Variants in INVS observed in about 807,000 individuals in gnomAD.
INVS encodes the protein inversin.
Under a neutral mutation model 108.8 loss-of-function variants are expected in INVS, and 86 were observed. The observed-to-expected ratio is 0.79, with a 90% confidence interval of 0.66 to 0.95. INVS has a LOEUF of 0.95. Ranked by LOEUF, INVS falls within the 40% of genes least tolerant of loss-of-function variation. The pLI is 0.00. For synonymous variants in INVS, 455 were observed against 473.5 expected, an observed-to-expected ratio of 0.96 and a Z score of 0.51; for missense variants, 1,169 against 1,297.4, an observed-to-expected ratio of 0.90 and a Z score of 1.52.
intron 1 of INVS, among the ~76,000 whole-genome samples, chr9:100,100,263 C>A (rs1279079868): frequency 6.6e-6 from 1 of 151,600 alleles, no homozygotes; most frequent in Non-Finnish European, 1.5e-5. Flanking sequence ...TGCATAATGG[C>A]TTTCTCAGGG....
At chr9:100,291,348 C>G (rs986358619) in intron 13 of INVS, among the ~76,000 whole-genome samples, 3 of 152,212 alleles carry the variant, frequency 2.0e-5, no homozygotes, top group African/African-American at 7.2e-5. Flanking sequence ...GCATGAGCCA[C>G]CGTGCCTGGC....
At position 100,182,357 on chromosome 9, in the gene INVS, A is replaced by G. The variant is rs141341577; in HGVS notation, c.274-43705A>G. Among the ~76,000 whole-genome samples, 474 of 152,332 alleles carry G rather than the reference A, an allele frequency of 3.1e-3. 1 individual carries two copies. The highest frequency in any genetic ancestry group is 0.024 in the Middle Eastern group (7 of 294). ...TATAAAATGGGAGGAAATGTTTGCA[A>G]TCTATCCATCTGACAAAGGGCTAAT... On this transcript the variant is annotated intron_variant, in intron 3 of 16. Coordinates refer to ENST00000262457, the MANE Select transcript of INVS (RefSeq NM_014425.5).
intron 12 of INVS, among the ~76,000 whole-genome samples, chr9:100,276,438 T>A (rs1338125): frequency 2.0e-5 from 3 of 152,216 alleles, no homozygotes; most frequent in South Asian, 4.1e-4. Context: ...GCTGCTACCA[T>A]TGATTGTATG....
intron 3 of INVS, among the ~76,000 whole-genome samples, chr9:100,155,328 A>G (rs755950845): frequency 1.3e-5 from 2 of 151,930 alleles, no homozygotes; most frequent in African/African-American, 2.4e-5. Context: ...TGAATTTATT[A>G]TTTTTTATTT....
rs56176654 is a variant in INVS, at chr9:100,246,182, A to G, written c.907-434A>G. ...AAAAAAGAAAAAGAAAAAAGAAAAG[A>G]AGGAAAGAAAGAAAGAAAGAAAAAG... On this transcript the variant is annotated intron_variant, in intron 7 of 16. Transcript: ENST00000262457. Among the ~76,000 whole-genome samples, 982 of 152,002 alleles carry G rather than the reference A, an allele frequency of 6.5e-3. 9 individuals are homozygous for G. Among genetic ancestry groups the G allele is most frequent in the African/African-American group, 0.023 (949 of 41,482 alleles).
rs1161126434 is a variant in INVS at position 100,300,667 on chromosome 9, A to C, written c.3191A>C (p.Lys1064Thr). ...GCTACTCAGCCAAAAAACAAAACAA[A>C]ACCTTGACTGCCTATGGAGGAAGAC... ...QSATQPKNKT[K>T]P The change falls in exon 17 of 17, where the codon AAA becomes ACA. Residue 1064 changes from lysine to threonine, a missense_variant. This residue lies in a region of INVS where 533 missense variants were observed against 536.0 expected (regional missense o/e 0.99). Coordinates refer to ENST00000262457, the MANE Select transcript of INVS (RefSeq NM_014425.5). The C allele has an allele frequency of 6.2e-7, 1 of 1,609,228 alleles. No homozygotes were observed. The highest frequency in any genetic ancestry group is 1.3e-5 in the African/African-American group (1 of 74,930).
At chr9:100,255,325 G>A (rs551216278) in intron 10 of INVS, among the ~76,000 whole-genome samples, 93 of 152,192 alleles carry the variant, frequency 6.1e-4, no homozygotes, top group Non-Finnish European at 1.0e-3. Context: ...CTGAGACAAT[G>A]GGGTTTTCTA....
chr9:100,179,025 A>G (rs1316611623), intron 3 of INVS, among the ~76,000 whole-genome samples: 1 of 152,212 alleles, frequency 6.6e-6, no homozygotes, highest in Admixed American at 6.5e-5. Context: ...AGAATTTCAT[A>G]TCCAGCCAAA....
chr9:100,281,514 G>T (rs569000702), intron 12 of INVS, among the ~76,000 whole-genome samples: 2 of 152,092 alleles, frequency 1.3e-5, no homozygotes, highest in Non-Finnish European at 2.9e-5. Context: ...ATCCCACTCC[G>T]TTTTTTCTCA....
chr9:100,298,066 T>C (rs1208915447), intron 16 of INVS, 56 bp downstream of exon 16: 3 of 1,613,216 alleles, frequency 1.9e-6, no homozygotes, highest in Non-Finnish European at 2.5e-6. Flanking sequence ...AGCATTTTCC[T>C]TTGTTTCATC....
chr9:100,120,076 C>A (rs1827676365), intron 2 of INVS, among the ~76,000 whole-genome samples: 1 of 152,154 alleles, frequency 6.6e-6, no homozygotes, highest in African/African-American at 2.4e-5. Flanking sequence ...GCTTCAAATT[C>A]CAGATGTTGG....
At chr9:100,159,028 G>A (rs750246689) in intron 3 of INVS, among the ~76,000 whole-genome samples, 2 of 152,152 alleles carry the variant, frequency 1.3e-5, no homozygotes, top group African/African-American at 2.4e-5. Flanking sequence ...GTCCTTATTA[G>A]AAGCAGATAC....
intron 8 of INVS, 105 bp from the exon 9 acceptor site, chr9:100,252,177 AT>A: frequency 7.8e-7 from 1 of 1,275,446 alleles, no homozygotes; most frequent in South Asian, 1.2e-5. Context: ...TGGAGATTGC[AT>A]TTATTCAAAA....
chr9:100,100,956 TATATATATA>T (rs1826944011), intron 1 of INVS, among the ~76,000 whole-genome samples: 1 of 34,540 alleles, frequency 2.9e-5, no homozygotes, highest in Non-Finnish European at 4.3e-5. Flanking sequence ...ACATATATAT[TATATATATA>T]ATATATATTA....
rs920211806 is a variant in INVS, at chr9:100,264,894, G to A, written c.1537G>A (p.Ala513Thr). ...CATTAAATTACTGCTAGACTTTGCT[G>A]CTTTCCCTAATCAGATGGAAAACAA... ...DAIKLLLDFA[A>T]FPNQMENNEE... Residue 513 changes from alanine (A) to threonine (T), a missense_variant, in exon 11 of 17, where the codon GCT (alanine) becomes ACT (threonine). Coordinates refer to ENST00000262457, the MANE Select transcript of INVS (RefSeq NM_014425.5). 5 of 1,612,348 alleles carry A rather than the reference G, an allele frequency of 3.1e-6. No homozygotes were observed. Among genetic ancestry groups the A allele is most frequent in the Non-Finnish European group, 4.2e-6 (5 of 1,179,398 alleles).
At chr9:100,188,711 T>C (rs1321214223) in intron 3 of INVS, among the ~76,000 whole-genome samples, 3 of 151,740 alleles carry the variant, frequency 2.0e-5, no homozygotes, top group South Asian at 4.2e-4. Context: ...TAGAATGAGA[T>C]AGGGAGGATT....
chr9:100,244,397 A>C (rs1363383066), intron 7 of INVS, among the ~76,000 whole-genome samples: 1 of 152,190 alleles, frequency 6.6e-6, no homozygotes, highest in African/African-American at 2.4e-5. Flanking sequence ...ACAGAAAACA[A>C]AACAAAACAA....
At chr9:100,268,657 A>G (rs1832863234) in intron 11 of INVS, among the ~76,000 whole-genome samples, 2 of 152,306 alleles carry the variant, frequency 1.3e-5, no homozygotes, top group African/African-American at 4.8e-5. Context: ...TTGAGTGTAT[A>G]AGTGTTTATT....
chr9:100,102,455 C>G (rs1251131261), intron 1 of INVS: 1 of 152,186 alleles, frequency 6.6e-6, no homozygotes, highest in Non-Finnish European at 1.5e-5. Flanking sequence ...GTTAAGACCT[C>G]TATCTAGGTA....
Sources: allele counts gnomAD v4.1 joint callset (sites outside exome capture counted in the v4.1 genomes callset), GRCh38; gene constraint gnomAD v4.1.1; regional missense constraint gnomAD v4.1.1; transcripts MANE v1.5; gene names NCBI Gene and HGNC (gene_info 2026-07-23, HGNC 2026-07-21).